The following GDAP1 variants were observed in gnomAD, a reference collection of about 807,000 sequenced individuals.
GDAP1 encodes the protein ganglioside induced differentiation associated protein 1, also known as ganglioside-induced differentiation-associated protein 1.
Under a neutral mutation model 40.1 loss-of-function variants are expected in GDAP1, and 34 were observed. The ratio of observed to expected loss-of-function variants is 0.85; its 90% CI spans 0.64 to 1.13. The LOEUF (loss-of-function observed/expected upper bound fraction) is 1.13, where lower values mean the gene tolerates loss of function less well. GDAP1 is among the 50% of genes most tolerant of loss of function. GDAP1 has a pLI of 0.00. For synonymous variants in GDAP1, 170 were observed against 157.4 expected, an observed-to-expected ratio of 1.08 and a Z score of -0.60; for missense variants, 374 against 433.7, an observed-to-expected ratio of 0.86 and a Z score of 1.22.
Position 74,363,998 on chromosome 8 carries a change from A to G in GDAP1, c.708A>G (p.Gln236=). 1 of 1,614,090 alleles carries G rather than the reference A, an allele frequency of 6.2e-7. No homozygotes were observed. Among genetic ancestry groups the G allele is most frequent in the African/African-American group, 1.3e-5 (1 of 75,048 alleles). Residue 236 remains glutamine, a synonymous_variant, in exon 6 of 6, where the codon CAA becomes CAG. Transcript: ENST00000220822. ...RNEETPEEGQ[Q]PWLCGESFTL... The stretch of plus-strand genomic sequence containing the variant: ...TTCTCTAATTAGAAGAGGGCCAGCA[A>G]CCTTGGCTCTGCGGTGAATCCTTCA...
chr8:74,367,390 G>T (rs1809677784), downstream of GDAP1, among the ~76,000 whole-genome samples: 1 of 152,036 alleles, frequency 6.6e-6, no homozygotes, highest in Non-Finnish European at 1.5e-5. Context: ...CTTTCATTTT[G>T]CACTGAACAA....
At chr8:74,367,921 T>TG (rs138614547), downstream of GDAP1, among the ~76,000 whole-genome samples, 778 of 152,226 alleles carry the variant, frequency 5.1e-3, 7 homozygotes, top group African/African-American at 0.017. Context: ...GAGAAGGCAG[T>TG]GGGGTAGAGC....
At chr8:74,417,781 GAAAAGA>G (rs147571176) in intron 2 of GDAP1, among the ~76,000 whole-genome samples, 2,592 of 122,072 alleles carry the variant, frequency 0.021, 191 homozygotes, top group Non-Finnish European at 0.024. Context: ...AAAAAAAAAG[GAAAAGA>G]AAAAGAAAAT....
At chr8:74,442,651 T>C (rs967315305) in intron 2 of GDAP1, among the ~76,000 whole-genome samples, 2 of 152,202 alleles carry the variant, frequency 1.3e-5, no homozygotes, top group African/African-American at 4.8e-5. Context: ...TGAAACAGTG[T>C]GTTCTCTACT....
At chr8:74,410,395 T>G (rs982957498) in intron 2 of GDAP1, among the ~76,000 whole-genome samples, 5 of 150,208 alleles carry the variant, frequency 3.3e-5, no homozygotes, top group Admixed American at 3.3e-4. Flanking sequence ...AGTCAGTTAC[T>G]GAGAAAACAT....
intron 2 of GDAP1, among the ~76,000 whole-genome samples, chr8:74,441,317 A>G (rs1452811699): frequency 6.6e-6 from 1 of 152,146 alleles, no homozygotes; most frequent in East Asian, 1.9e-4. Flanking sequence ...TTTATGACTC[A>G]TGGGTCCCCC....
At chr8:74,464,853 AAGATACTT>A (rs1806448366) in intron 2 of GDAP1, among the ~76,000 whole-genome samples, 1 of 152,208 alleles carries the variant, frequency 6.6e-6, no homozygotes, top group Non-Finnish European at 1.5e-5. Flanking sequence ...AGTATCTTCC[AAGATACTT>A]ACAATTTAAG....
At chr8:74,443,075 A>G (rs1233909141) in intron 2 of GDAP1, among the ~76,000 whole-genome samples, 1 of 152,192 alleles carries the variant, frequency 6.6e-6, no homozygotes, top group Non-Finnish European at 1.5e-5. Flanking sequence ...TAGTTGATGC[A>G]TTTATAGAAA....
intron 2 of GDAP1, among the ~76,000 whole-genome samples, chr8:74,475,208 A>C (rs1013663683): frequency 6.6e-6 from 1 of 150,500 alleles, no homozygotes; most frequent in South Asian, 2.1e-4. Context: ...TATCTATCTT[A>C]TTATTATTTT....
intron 2 of GDAP1, among the ~76,000 whole-genome samples, chr8:74,479,693 T>A (rs1806682028): frequency 6.6e-6 from 1 of 152,144 alleles, no homozygotes; most frequent in Non-Finnish European, 1.5e-5. Context: ...CGCCTATGTG[T>A]GTAGCCAGCT....
chr8:74,398,460 G>A (rs1455861582), intron 2 of GDAP1, among the ~76,000 whole-genome samples: 1 of 152,082 alleles, frequency 6.6e-6, no homozygotes, highest in African/African-American at 2.4e-5. Context: ...GAAGACGATG[G>A]GGTTTTCTAG....
intron 2 of GDAP1, among the ~76,000 whole-genome samples, chr8:74,436,445 C>G (rs925817226): frequency 7.3e-6 from 1 of 136,622 alleles, no homozygotes; most frequent in Admixed American, 7.8e-5. Context: ...TTTTCTGAGA[C>G]GGAGTCTCAC....
rs369299571 is a variant in GDAP1 at position 74,350,596 on chromosome 8, G to C, written c.117+18G>C. On this transcript the variant is annotated intron_variant, in intron 1 of 5. Transcript: ENST00000220822. ...CTCAAAAGGTACAACAGGCCTTGGC[G>C]GCGGAGGGTGGCGCGGATCGGGCTT... The C allele has an allele frequency of 1.1e-5, 16 of 1,441,360 alleles. No homozygotes were observed. The highest frequency in any genetic ancestry group is 1.6e-5 in the Non-Finnish European group (16 of 1,022,430). 89.3% of individuals were successfully genotyped at this position (1,441,360 alleles called of 1,614,324 possible).
intron 2 of GDAP1, among the ~76,000 whole-genome samples, chr8:74,399,676 T>G (rs1431604781): frequency 7.6e-6 from 1 of 130,964 alleles, no homozygotes; most frequent in Non-Finnish European, 1.5e-5. Context: ...TTCTTTCTCT[T>G]ATGGGCATTT....
chr8:74,368,471 A>C (rs1809696911), downstream of GDAP1, among the ~76,000 whole-genome samples: 1 of 152,234 alleles, frequency 6.6e-6, no homozygotes, highest in Non-Finnish European at 1.5e-5. Flanking sequence ...TGAACTATAA[A>C]TAATTAGCAC....
chr8:74,468,748 A>G (rs1348686635), intron 2 of GDAP1, among the ~76,000 whole-genome samples: 1 of 152,132 alleles, frequency 6.6e-6, no homozygotes, highest in Non-Finnish European at 1.5e-5. Context: ...ATCTGCAAAG[A>G]GTGAAAATTT....
At chr8:74,426,709 A>G (rs970876882) in intron 2 of GDAP1, among the ~76,000 whole-genome samples, 1 of 152,124 alleles carries the variant, frequency 6.6e-6, no homozygotes, top group Non-Finnish European at 1.5e-5. Flanking sequence ...TATTACATCT[A>G]TGACATTGTT....
intron 2 of GDAP1, among the ~76,000 whole-genome samples, chr8:74,387,957 GT>G: frequency 6.6e-6 from 1 of 152,046 alleles, no homozygotes; most frequent in Non-Finnish European, 1.5e-5. Flanking sequence ...ATGTTTTTTA[GT>G]TTATTTGCAT....
intron 2 of GDAP1, among the ~76,000 whole-genome samples, chr8:74,486,743 T>A (rs1328055587): frequency 6.6e-6 from 1 of 152,180 alleles, no homozygotes; most frequent in East Asian, 1.9e-4. Context: ...CCCCATGATA[T>A]TCCCTGTTTG....
Sources: allele counts gnomAD v4.1 joint callset (sites outside exome capture counted in the v4.1 genomes callset), GRCh38; gene constraint gnomAD v4.1.1; transcripts MANE v1.5; gene names NCBI Gene and HGNC (gene_info 2026-07-23, HGNC 2026-07-21).